The following MAP7 variants were observed in gnomAD, a reference collection of about 807,000 sequenced individuals.
MAP7 encodes the protein ensconsin.
MAP7 carries 52 observed loss-of-function variants against 94.8 expected under a neutral mutation model. The ratio of observed to expected loss-of-function variants is 0.55; its 90% CI spans 0.44 to 0.69. The LOEUF is 0.69. MAP7 is among the 30% of genes least tolerant of loss of function. The probability of loss-of-function intolerance (pLI) is 0.00; values close to 1 mark genes in which losing one functional copy is unlikely to be tolerated. For synonymous variants in MAP7, 350 were observed against 357.0 expected (o/e 0.98, Z 0.22); for missense variants, 940 against 964.6 (o/e 0.97, Z 0.34).
At chr6:136,382,311 A>G (rs749539255) in intron 6 of MAP7, among the ~76,000 whole-genome samples, 1 of 152,228 alleles carries the variant, frequency 6.6e-6, no homozygotes, top group Non-Finnish European at 1.5e-5. Context: ...TGTAGAAGAT[A>G]ATAAAGTTTT....
At chr6:136,417,088 CA>C (rs1223838643) in intron 2 of MAP7, among the ~76,000 whole-genome samples, 5 of 152,312 alleles carry the variant, frequency 3.3e-5, no homozygotes, top group Admixed American at 2.6e-4. Context: ...CACTGCACTC[CA>C]GCCTGGGCGA....
chr6:136,362,647 T>G lies in MAP7; in HGVS notation c.1329A>C (p.Pro443=), dbSNP rs1217295025. ...CTGGGGTGGGGACCGGGGCTGGAGCTGGGGCCGAGGCTGGAGCTGGGGCCG... is the reference window on the plus strand; with the variant it reads ...CTGGGGTGGGGACCGGGGCTGGAGCGGGGGCCGAGGCTGGAGCTGGGGCCG... ...PASAPAPASA[P]APAPVPTPAM... is the part of the protein sequence containing the mutation. The change falls in exon 11 of 18, where the codon CCA becomes CCC. Residue 443 remains proline (P), a synonymous_variant. Transcript: ENST00000354570. 1 of 1,606,824 alleles carries G rather than the reference T, an allele frequency of 6.2e-7. No homozygotes were observed. The highest frequency in any genetic ancestry group is 8.5e-7 in the Non-Finnish European group (1 of 1,176,858).
intron 3 of MAP7, 37 bp from the exon 4 acceptor site, chr6:136,389,554 A>G (rs760481060): frequency 3.5e-5 from 55 of 1,583,876 alleles, no homozygotes; most frequent in East Asian, 4.5e-5. Context: ...AAAGAGGGAA[A>G]TCAAATATAG....
intron 1 of MAP7, among the ~76,000 whole-genome samples, chr6:136,538,990 C>T (rs1275112758): frequency 6.6e-6 from 1 of 152,038 alleles, no homozygotes; most frequent in Non-Finnish European, 1.5e-5. Flanking sequence ...TGTGATCACA[C>T]AGCTACAATG....
At chr6:136,385,911 C>T (rs1164696386) in intron 5 of MAP7, among the ~76,000 whole-genome samples, 1 of 152,196 alleles carries the variant, frequency 6.6e-6, no homozygotes, top group African/African-American at 2.4e-5. Flanking sequence ...GCTGGGATTA[C>T]AGGCATGTGC....
chr6:136,353,189 T>C (rs1448359053), intron 16 of MAP7, among the ~76,000 whole-genome samples: 3 of 152,240 alleles, frequency 2.0e-5, no homozygotes, highest in African/African-American at 2.4e-5. Flanking sequence ...AGTCTGATCA[T>C]CTGTCTGACT....
intron 1 of MAP7, among the ~76,000 whole-genome samples, chr6:136,521,872 T>C (rs1259956210): frequency 6.6e-6 from 1 of 152,208 alleles, no homozygotes; most frequent in Non-Finnish European, 1.5e-5. Flanking sequence ...GGCACACACT[T>C]AACATTTCTG....
intron 7 of MAP7, among the ~76,000 whole-genome samples, chr6:136,376,855 A>C (rs181670643): frequency 9.9e-5 from 15 of 152,216 alleles, no homozygotes; most frequent in African/African-American, 3.4e-4. Flanking sequence ...AAAACCACCA[A>C]CAATTATTAC....
chr6:136,543,303 T>C (rs1829473545), intron 1 of MAP7, among the ~76,000 whole-genome samples: 1 of 152,226 alleles, frequency 6.6e-6, no homozygotes, highest in East Asian at 1.9e-4. Flanking sequence ...CACAACAGTG[T>C]GCCTGAATCT....
intron 16 of MAP7, among the ~76,000 whole-genome samples, chr6:136,347,168 G>A (rs954035990): frequency 3.3e-5 from 5 of 152,140 alleles, no homozygotes; most frequent in Non-Finnish European, 5.9e-5. Context: ...CATCAAATGA[G>A]TGCTAAACTA....
chr6:136,360,635 T>C (rs1030149814), intron 13 of MAP7, 62 bp downstream of exon 13: 2 of 1,437,346 alleles, frequency 1.4e-6, no homozygotes, highest in East Asian at 4.5e-5. Context: ...CGGCCAGGGC[T>C]AGTCTCTGGG....
At chr6:136,382,280 C>A (rs988188426) in intron 6 of MAP7, among the ~76,000 whole-genome samples, 37 of 152,232 alleles carry the variant, frequency 2.4e-4, no homozygotes, top group African/African-American at 8.7e-4. Context: ...CCCACCCTTA[C>A]CCTAATTTCA....
chr6:136,361,278 C>T (rs191015004), intron 11 of MAP7, 99 bp from the exon 12 acceptor site: 2 of 1,263,172 alleles, frequency 1.6e-6, no homozygotes, highest in Non-Finnish European at 2.2e-6. Flanking sequence ...TTCCTTTAGG[C>T]GTCCAGTAGA....
chr6:136,412,188 G>A (rs1010768285), intron 2 of MAP7, among the ~76,000 whole-genome samples: 1 of 152,160 alleles, frequency 6.6e-6, no homozygotes, highest in African/African-American at 2.4e-5. Flanking sequence ...GCTATGAGGT[G>A]TACTTTGATT....
chr6:136,499,640 C>T (rs1044650840), intron 1 of MAP7, among the ~76,000 whole-genome samples: 6 of 152,086 alleles, frequency 3.9e-5, no homozygotes, highest in African/African-American at 2.4e-5. Flanking sequence ...TTTAGGCTTC[C>T]GGGCCACAAG....
At position 136,544,403 on chromosome 6, in the gene MAP7, G is replaced by A. The variant is rs146389140; in HGVS notation, c.67+5939C>T. Among the ~76,000 whole-genome samples, 908 of 152,288 alleles carry A rather than the reference G, an allele frequency of 6.0e-3. 16 individuals are homozygous for A. Among genetic ancestry groups the A allele is most frequent in the African/African-American group, 0.02 (844 of 41,556 alleles). Reference sequence around the variant, plus strand: ...AGCCCCAACTCTTGCACCAACAACTGAAATTCCTCTTCTGGGGTTGGTCAG... The same window carrying A: ...AGCCCCAACTCTTGCACCAACAACTAAAATTCCTCTTCTGGGGTTGGTCAG... On this transcript the variant is annotated intron_variant, in intron 1 of 17. Coordinates refer to ENST00000354570, the MANE Select transcript of MAP7 (RefSeq NM_003980.6).
intron 1 of MAP7, among the ~76,000 whole-genome samples, chr6:136,437,564 A>G (rs111867468): frequency 9.6e-4 from 146 of 152,274 alleles, no homozygotes; most frequent in African/African-American, 3.4e-3. Flanking sequence ...ATTTACTTCA[A>G]TCTGAGGTCA....
At chr6:136,389,562 T>A in intron 3 of MAP7, 45 bp from the exon 4 acceptor site, 2 of 1,575,740 alleles carry the variant, frequency 1.3e-6, no homozygotes, top group East Asian at 2.2e-5. Flanking sequence ...AAATCAAATA[T>A]AGGCAGGTTG....
At chr6:136,494,589 C>T (rs1817649474) in intron 1 of MAP7, among the ~76,000 whole-genome samples, 1 of 151,950 alleles carries the variant, frequency 6.6e-6, no homozygotes, top group Non-Finnish European at 1.5e-5. Flanking sequence ...TGTCTTTTAC[C>T]ATGATTAAGA....
Sources: gnomAD v4.1 joint callset for allele counts (sites outside exome capture counted in the v4.1 genomes callset) on GRCh38, gnomAD v4.1.1 for gene constraint, MANE v1.5 for transcripts, NCBI Gene and HGNC (gene_info 2026-07-23, HGNC 2026-07-21) for gene names.